The following CNTNAP5 variants were observed in gnomAD, a reference collection of about 807,000 sequenced individuals.
The protein encoded by CNTNAP5 is contactin associated protein family member 5, also known as contactin-associated protein-like 5.
CNTNAP5 carries 72 observed loss-of-function variants against 150.2 expected under a neutral mutation model. The ratio of observed to expected loss-of-function variants is 0.48; its 90% confidence interval spans 0.40 to 0.58. The LOEUF is 0.58. Among genes scored for constraint, CNTNAP5 ranks in the 20% least tolerant of loss-of-function variants. The pLI is 0.00. For synonymous variants in CNTNAP5, 672 were observed against 619.8 expected, an observed-to-expected ratio of 1.08 and a Z score of -1.25; for missense variants, 1,636 against 1,626.2, an observed-to-expected ratio of 1.01 and a Z score of -0.10.
At chr2:124,115,268 G>A (rs1418364653) in intron 1 of CNTNAP5, among the ~76,000 whole-genome samples, 1 of 151,960 alleles carries the variant, frequency 6.6e-6, no homozygotes, top group Admixed American at 6.6e-5. Flanking sequence ...TTTGCTACAG[G>A]TTTTATTAGA....
intron 1 of CNTNAP5, among the ~76,000 whole-genome samples, chr2:124,057,943 G>A (rs1681901517): frequency 1.3e-5 from 2 of 151,868 alleles, no homozygotes; most frequent in African/African-American, 2.4e-5. Context: ...CATATAACCC[G>A]TAAATATATA....
chr2:124,627,712 T>C (rs1168274141), intron 12 of CNTNAP5, among the ~76,000 whole-genome samples: 1 of 152,116 alleles, frequency 6.6e-6, no homozygotes, highest in Non-Finnish European at 1.5e-5. Context: ...GAGCTGAAGC[T>C]GAGATGGATG....
intron 1 of CNTNAP5, among the ~76,000 whole-genome samples, chr2:124,026,485 G>A (rs146410997): frequency 2.4e-4 from 37 of 152,260 alleles, no homozygotes; most frequent in African/African-American, 8.4e-4. Flanking sequence ...TGGGCTCCCG[G>A]GGATCCACCA....
chr2:124,080,739 C>T (rs1276133922), intron 1 of CNTNAP5, among the ~76,000 whole-genome samples: 1 of 152,178 alleles, frequency 6.6e-6, no homozygotes, highest in Non-Finnish European at 1.5e-5. Flanking sequence ...TCATTCTTGG[C>T]TTGAAATAAT....
intron 11 of CNTNAP5, among the ~76,000 whole-genome samples, chr2:124,571,518 T>C (rs1351827222): frequency 9.8e-6 from 1 of 101,560 alleles, no homozygotes; most frequent in East Asian, 3.1e-4. Flanking sequence ...GTACTTTTTT[T>C]TCTTTTTTCT....
intron 2 of CNTNAP5, among the ~76,000 whole-genome samples, chr2:124,239,109 G>GTT (rs1333186198): frequency 6.6e-6 from 1 of 152,120 alleles, no homozygotes; most frequent in Non-Finnish European, 1.5e-5. Context: ...AATAAGCTAA[G>GTT]TTTTTTTACT....
chr2:124,913,982 T>G, intron 23 of CNTNAP5, 110 bp from the exon 24 acceptor site: 1 of 694,142 alleles, frequency 1.4e-6, no homozygotes, highest in Non-Finnish European at 2.4e-6. Context: ...TGTGATTTGT[T>G]TTGTTTTGCT....
At chr2:124,403,444 GTTTT>G (rs555396859) in intron 3 of CNTNAP5, among the ~76,000 whole-genome samples, 1 of 151,918 alleles carries the variant, frequency 6.6e-6, no homozygotes, top group South Asian at 2.1e-4. Flanking sequence ...ATTAAGAAAA[GTTTT>G]TTTTATGTTT....
At chr2:124,515,697 G>T (rs1233247446) in intron 8 of CNTNAP5, among the ~76,000 whole-genome samples, 1 of 152,138 alleles carries the variant, frequency 6.6e-6, no homozygotes, top group African/African-American at 2.4e-5. Context: ...AGCAGGAAAT[G>T]GTAAGGGTAG....
chr2:124,265,816 C>T (rs893267121), intron 3 of CNTNAP5, among the ~76,000 whole-genome samples: 1 of 148,778 alleles, frequency 6.7e-6, no homozygotes, highest in Non-Finnish European at 1.5e-5. Context: ...CTTCACGTTT[C>T]CATTTGCAGC....
chr2:124,667,879 C>T lies in CNTNAP5; in HGVS notation c.2077+19921C>T, dbSNP rs577118054. On this transcript the variant is annotated intron_variant, in intron 13 of 23. Coordinates refer to ENST00000682447, the MANE Select transcript of CNTNAP5 (RefSeq NM_001367498.1). ...CTCCCGTAAGGGAAGCTAAGAGTGG[C>T]ATCCTTGAGACAGGTTTGCTTTACT... 9.2e-5 allele frequency among the ~76,000 whole-genome samples: 14 copies of T among 152,302 alleles called. No individual in the cohort carries two copies. In the East Asian group the frequency reaches 2.5e-3, roughly 27 times the overall value.
In CNTNAP5 at chr2:124,737,987, T is replaced by A. The variant is rs905886680; in HGVS notation, c.2078-9242T>A. On this transcript the variant is annotated intron_variant, in intron 13 of 23. Coordinates refer to ENST00000682447, the MANE Select transcript of CNTNAP5 (RefSeq NM_001367498.1). ...TTAATTCTGGATGTTTTTATTAGTA[T>A]CATGAGTCTAAATATACACAATGGC... is the stretch of plus-strand genomic sequence containing the variant. 5.9e-5 allele frequency among the ~76,000 whole-genome samples: 9 copies of A among 152,202 alleles called. No homozygotes were observed. The East Asian group carries it at 7.7e-4, about 13-fold the overall frequency.
rs185086027 is a variant in CNTNAP5 at position 124,866,540 on chromosome 2, G to A, written c.3348+1104G>A. ...ACTTCCTGGAAGAAGTTAGGAGTAA[G>A]CTGAGTCTTGAAGATGAGTAGGAGT... On this transcript the variant is annotated intron_variant, in intron 20 of 23. Coordinates refer to ENST00000682447, the MANE Select transcript of CNTNAP5 (RefSeq NM_001367498.1). 7.2e-5 allele frequency among the ~76,000 whole-genome samples: 11 copies of A among 152,232 alleles called. No individual in the cohort carries two copies. In the East Asian group the frequency reaches 1.7e-3, roughly 24 times the overall value.
rs957798776 is a variant in CNTNAP5 at position 124,899,402 on chromosome 2, T to A, written c.3437-3480T>A. ...ATCAGCAGCTCGTGCTGTTTTTACA[T>A]CACCCTTGGAGGACATGGGGCTAAA... On this transcript the variant is annotated intron_variant, in intron 21 of 23. Coordinates refer to ENST00000682447, the MANE Select transcript of CNTNAP5 (RefSeq NM_001367498.1). Among the ~76,000 whole-genome samples, 3 of 151,456 alleles carry A rather than the reference T, an allele frequency of 2.0e-5. 1 individual carries two copies. The highest frequency in any genetic ancestry group is 7.3e-5 in the African/African-American group (3 of 40,836).
Position 124,919,402 on chromosome 2 carries a change from T to C in CNTNAP5, c.*5114T>C, listed in dbSNP as rs1678830046. Among the ~76,000 whole-genome samples the C allele has an allele frequency of 1.3e-5, 2 of 152,162 alleles. No individual in the cohort carries two copies. Among genetic ancestry groups the C allele is most frequent in the Admixed American group, 6.5e-5 (1 of 15,268 alleles). On this transcript the variant is annotated 3_prime_UTR_variant, in exon 24 of 24. Transcript: ENST00000682447. ...TACTTTGTAAGCTAGATGTCTGTCTTATGTAATGTTTATAGTCTACAAAAT... is the reference window on the plus strand; with the variant it reads ...TACTTTGTAAGCTAGATGTCTGTCTCATGTAATGTTTATAGTCTACAAAAT...
chr2:124,136,578 A>G (rs1416332654), intron 1 of CNTNAP5, among the ~76,000 whole-genome samples: 2 of 152,242 alleles, frequency 1.3e-5, no homozygotes, highest in Non-Finnish European at 2.9e-5. Flanking sequence ...TTTACAGAAT[A>G]CAGTACTGAG....
intron 3 of CNTNAP5, among the ~76,000 whole-genome samples, chr2:124,333,078 A>T (rs1182674699): frequency 6.6e-6 from 1 of 152,152 alleles, no homozygotes. Context: ...TATAATTTTA[A>T]TCATGAGGCA....
intron 10 of CNTNAP5, among the ~76,000 whole-genome samples, chr2:124,535,565 C>T (rs1455816149): frequency 1.4e-5 from 2 of 147,744 alleles, no homozygotes; most frequent in African/African-American, 5.0e-5. Flanking sequence ...ACATCGAGAC[C>T]ATCCTGGCCA....
chr2:124,674,379 CCCT>C (rs1160406973), intron 13 of CNTNAP5, among the ~76,000 whole-genome samples: 2 of 134,706 alleles, frequency 1.5e-5, no homozygotes, highest in East Asian at 2.3e-4. Flanking sequence ...CTCCTTCCCT[CCCT>C]CCTTTGTTCT....
Sources: allele counts gnomAD v4.1 joint callset (sites outside exome capture counted in the v4.1 genomes callset), GRCh38; gene constraint gnomAD v4.1.1; transcripts MANE v1.5; gene names NCBI Gene and HGNC (gene_info 2026-07-23, HGNC 2026-07-21).